The following ULK4 variants were observed in gnomAD, a reference collection of about 807,000 sequenced individuals.
The protein encoded by ULK4 is inactive serine/threonine-protein kinase ULK4.
ULK4 carries 133 observed loss-of-function variants against 160.6 expected under a neutral mutation model. That is an observed-to-expected ratio of 0.83 (90% CI 0.72 to 0.96). ULK4 has a LOEUF of 0.96. ULK4 is among the 40% of genes least tolerant of loss of function. The pLI is 0.00. For synonymous variants in ULK4, 534 were observed against 539.8 expected (o/e 0.99, Z 0.15); for missense variants, 1,580 against 1,499.5 (o/e 1.05, Z -0.89).
intron 32 of ULK4, among the ~76,000 whole-genome samples, chr3:41,472,859 T>A (rs1216010008): frequency 6.6e-6 from 1 of 152,200 alleles, no homozygotes; most frequent in Non-Finnish European, 1.5e-5. Context: ...TAAATACAGA[T>A]GTAAAAATAC....
At chr3:41,306,029 G>A (rs1316216947) in intron 35 of ULK4, among the ~76,000 whole-genome samples, 6 of 145,782 alleles carry the variant, frequency 4.1e-5, no homozygotes, top group South Asian at 2.2e-4. Flanking sequence ...CCTGGCAGTC[G>A]CCCCGTCTGA....
At chr3:41,782,950 C>T (rs1175101528) in intron 21 of ULK4, among the ~76,000 whole-genome samples, 1 of 151,114 alleles carries the variant, frequency 6.6e-6, no homozygotes, top group African/African-American at 2.4e-5. Context: ...TTGACTTAAA[C>T]ACACATTCGT....
At chr3:41,602,057 A>C (rs1280570594) in intron 31 of ULK4, among the ~76,000 whole-genome samples, 2 of 151,944 alleles carry the variant, frequency 1.3e-5, no homozygotes, top group Non-Finnish European at 2.9e-5. Context: ...TTAGCCAGGC[A>C]TGGTGGTGTG....
intron 29 of ULK4, among the ~76,000 whole-genome samples, chr3:41,665,498 G>C (rs1393751897): frequency 6.6e-6 from 1 of 152,128 alleles, no homozygotes; most frequent in Non-Finnish European, 1.5e-5. Flanking sequence ...ACAATGTTAA[G>C]TGGAATACAG....
chr3:41,520,471 C>T (rs1157792271), intron 32 of ULK4, among the ~76,000 whole-genome samples: 2 of 152,156 alleles, frequency 1.3e-5, no homozygotes, highest in African/African-American at 4.8e-5. Flanking sequence ...GTGATGGAGA[C>T]ATGAGTTGTT....
chr3:41,938,331 AT>A, intron 2 of ULK4, 134 bp from the exon 3 acceptor site: 1 of 638,338 alleles, frequency 1.6e-6, no homozygotes, highest in Non-Finnish European at 2.6e-6. Flanking sequence ...CTATACAGAC[AT>A]TAGAAATCAT....
chr3:41,404,424 T>G (rs2125821129), intron 34 of ULK4, among the ~76,000 whole-genome samples: 1 of 152,314 alleles, frequency 6.6e-6, no homozygotes, highest in Admixed American at 6.5e-5. Context: ...AAAAATATTT[T>G]CATGATATAC....
chr3:41,536,582 T>C (rs2086507870), intron 32 of ULK4, among the ~76,000 whole-genome samples: 1 of 152,242 alleles, frequency 6.6e-6, no homozygotes, highest in African/African-American at 2.4e-5. Context: ...GCACGTATTA[T>C]GTATTATTAA....
At chr3:41,287,907 T>C (rs1018225919) in intron 35 of ULK4, among the ~76,000 whole-genome samples, 2 of 152,168 alleles carry the variant, frequency 1.3e-5, no homozygotes, top group African/African-American at 4.8e-5. Flanking sequence ...CATTTGAGGA[T>C]AGGGTGGGCA....
chr3:41,603,579 T>C (rs1372136303), intron 31 of ULK4, among the ~76,000 whole-genome samples: 1 of 151,972 alleles, frequency 6.6e-6, no homozygotes, highest in Admixed American at 6.6e-5. Context: ...ATGCCTGAAA[T>C]AGAATACACT....
Position 41,649,765 on chromosome 3 carries a change from G to A in ULK4, c.3071+13842C>T, listed in dbSNP as rs764086609. ...CATGGATGGCATGTTGATGGCAGAA[G>A]GCAGACAGGTTCCTGGGCAGAAGAG... is the stretch of plus-strand genomic sequence containing the variant. On this transcript the variant is annotated intron_variant, in intron 30 of 36. Transcript: ENST00000301831. 5.3e-5 allele frequency among the ~76,000 whole-genome samples: 8 copies of A among 152,346 alleles called. No individual in the cohort carries two copies. The East Asian group carries it at 1.4e-3, about 26-fold the overall frequency.
chr3:41,597,473 G>A (rs1489001817), intron 31 of ULK4, among the ~76,000 whole-genome samples: 3 of 152,094 alleles, frequency 2.0e-5, no homozygotes, highest in African/African-American at 2.4e-5. Flanking sequence ...CTCCACCTCC[G>A]CATAGCCCAT....
chr3:41,665,147 C>T (rs2035312986), intron 29 of ULK4, among the ~76,000 whole-genome samples: 1 of 152,112 alleles, frequency 6.6e-6, no homozygotes, highest in South Asian at 2.1e-4. Flanking sequence ...AAAACAGATG[C>T]CTTTCATCTA....
At chr3:41,904,175 G>A (rs1195961255) in intron 12 of ULK4, among the ~76,000 whole-genome samples, 2 of 152,072 alleles carry the variant, frequency 1.3e-5, no homozygotes. Flanking sequence ...GCTCACACCT[G>A]TAATCCCAGC....
chr3:41,246,743 T>C lies in ULK4; in HGVS notation c.*186A>G, dbSNP rs2078650757. ...ATTCCACAGGAACCAAGGAAGTCCA[T>C]TCTGAGTCAGTTTTCTAGGCCCTGG... On this transcript the variant is annotated 3_prime_UTR_variant, in exon 37 of 37. Coordinates refer to ENST00000301831, the MANE Select transcript of ULK4 (RefSeq NM_017886.4). 1 of 609,476 alleles carries C rather than the reference T, an allele frequency of 1.6e-6. No individual in the cohort carries two copies. Among genetic ancestry groups the C allele is most frequent in the African/African-American group, 1.9e-5 (1 of 53,832 alleles). 37.8% of individuals were successfully genotyped at this position (609,476 alleles called of 1,614,324 possible).
chr3:41,946,050 G>A (rs537551137), intron 2 of ULK4, among the ~76,000 whole-genome samples: 1 of 151,982 alleles, frequency 6.6e-6, no homozygotes, highest in Admixed American at 6.6e-5. Flanking sequence ...GGGCGGGAAG[G>A]GCATCTAAAC....
intron 31 of ULK4, among the ~76,000 whole-genome samples, chr3:41,602,251 A>G (rs1014164378): frequency 2.3e-5 from 2 of 86,704 alleles, no homozygotes; most frequent in African/African-American, 4.6e-5. Flanking sequence ...AAGGAAGAGA[A>G]AAAGGAAAGG....
intron 32 of ULK4, among the ~76,000 whole-genome samples, chr3:41,562,885 G>C (rs1218669044): frequency 6.6e-6 from 1 of 152,194 alleles, no homozygotes; most frequent in Non-Finnish European, 1.5e-5. Context: ...TGTTATGTGT[G>C]AATTTGATCC....
At chr3:41,648,746 G>A (rs2034613414) in intron 30 of ULK4, among the ~76,000 whole-genome samples, 1 of 152,120 alleles carries the variant, frequency 6.6e-6, no homozygotes, top group Non-Finnish European at 1.5e-5. Flanking sequence ...ATCCCCAAGT[G>A]GGTAAGAACA....
Sources: allele counts gnomAD v4.1 joint callset (sites outside exome capture counted in the v4.1 genomes callset), GRCh38; gene constraint gnomAD v4.1.1; transcripts MANE v1.5; gene names NCBI Gene and HGNC (gene_info 2026-07-23, HGNC 2026-07-21).